The following FHIT variants were observed in gnomAD, a reference collection of about 807,000 sequenced individuals.
FHIT encodes the protein bis(5'-adenosyl)-triphosphatase.
A neutral mutation model predicts 17.9 loss-of-function variants in FHIT; 19 were observed. The observed-to-expected ratio is 1.06, with a 90% CI of 0.74 to 1.56. FHIT has a LOEUF of 1.56. Among genes scored for constraint, FHIT ranks in the 40% most tolerant of loss-of-function variants. FHIT has a pLI of 0.00. For synonymous variants in FHIT, 81 were observed against 69.7 expected, an observed-to-expected ratio of 1.16 and a Z score of -0.81; for missense variants, 248 against 189.2, an observed-to-expected ratio of 1.31 and a Z score of -1.82.
chr3:60,690,365 T>A (rs1428478323), intron 4 of FHIT: 4 of 574,590 alleles, frequency 7.0e-6, no homozygotes, highest in Non-Finnish European at 1.4e-5. Flanking sequence ...AACCACTTGG[T>A]CTTGGCAGGG....
At chr3:59,755,523 AC>A (rs1315719138) in intron 8 of FHIT, among the ~76,000 whole-genome samples, 4 of 152,180 alleles carry the variant, frequency 2.6e-5, no homozygotes, top group Admixed American at 6.5e-5. Context: ...CCGTGGGTGA[AC>A]TTTAATGGAG....
At chr3:60,563,289 T>C (rs578090169) in intron 4 of FHIT, among the ~76,000 whole-genome samples, 4 of 152,038 alleles carry the variant, frequency 2.6e-5, no homozygotes, top group Non-Finnish European at 4.4e-5. Context: ...GGGGCAGCAG[T>C]TAGGAAAGAG....
intron 8 of FHIT, among the ~76,000 whole-genome samples, chr3:59,884,876 T>C (rs1703552536): frequency 6.6e-6 from 1 of 152,234 alleles, no homozygotes; most frequent in African/African-American, 2.4e-5. Context: ...TATGTCTCAA[T>C]AATGTTAAAA....
chr3:61,244,314 A>G (rs966332233), intron 1 of FHIT, among the ~76,000 whole-genome samples: 1 of 152,338 alleles, frequency 6.6e-6, no homozygotes, highest in South Asian at 2.1e-4. Context: ...CAAACAAATT[A>G]AAATTACATA....
intron 7 of FHIT, among the ~76,000 whole-genome samples, chr3:60,011,080 C>T (rs1170504342): frequency 6.6e-6 from 1 of 152,214 alleles, no homozygotes; most frequent in African/African-American, 2.4e-5. Flanking sequence ...TAGACACTCT[C>T]TCACATGAAC....
At chr3:60,770,117 G>C (rs183611068) in intron 4 of FHIT, among the ~76,000 whole-genome samples, 2 of 152,152 alleles carry the variant, frequency 1.3e-5, no homozygotes, top group African/African-American at 2.4e-5. Context: ...TGCTACTGCC[G>C]TGTGCCATGG....
chr3:60,926,807 G>C (rs1293942019), intron 3 of FHIT, among the ~76,000 whole-genome samples: 6 of 152,090 alleles, frequency 3.9e-5, no homozygotes, highest in African/African-American at 1.4e-4. Flanking sequence ...TAGACTGCTA[G>C]CAAGACTAAT....
intron 5 of FHIT, among the ~76,000 whole-genome samples, chr3:60,297,728 C>G (rs1019530595): frequency 2.0e-5 from 3 of 152,078 alleles, no homozygotes; most frequent in Non-Finnish European, 2.9e-5. Context: ...TTTTCCTACT[C>G]TCACACACTA....
intron 5 of FHIT, among the ~76,000 whole-genome samples, chr3:60,118,649 A>C (rs1275949471): frequency 6.6e-6 from 1 of 151,996 alleles, no homozygotes; most frequent in East Asian, 1.9e-4. Context: ...ACGAATGCTA[A>C]TATTAGAAAG....
intron 2 of FHIT, among the ~76,000 whole-genome samples, chr3:61,197,306 A>T (rs1192705970): frequency 6.6e-6 from 1 of 152,218 alleles, no homozygotes; most frequent in Non-Finnish European, 1.5e-5. Flanking sequence ...GGAACCTCAG[A>T]TCTTAAAGAA....
At position 60,062,975 on chromosome 3, in the gene FHIT, G is replaced by A. The variant is rs201327004; in HGVS notation, c.104-48823C>T. Among the ~76,000 whole-genome samples, 218 of 152,236 alleles carry A rather than the reference G, an allele frequency of 1.4e-3. 1 individual carries two copies. Among genetic ancestry groups the A allele is most frequent in the African/African-American group, 5.1e-3 (210 of 41,556 alleles). On this transcript the variant is annotated intron_variant, in intron 5 of 9. Coordinates refer to ENST00000492590, the MANE Select transcript of FHIT (RefSeq NM_002012.4). ...GAGGAGGAGAAGAGTCAACTGAGGA[G>A]CAAGAAATGTTCCACAATGAGACCG...
At chr3:60,767,133 A>C (rs1208703207) in intron 4 of FHIT, among the ~76,000 whole-genome samples, 1 of 152,240 alleles carries the variant, frequency 6.6e-6, no homozygotes, top group East Asian at 1.9e-4. Context: ...CCATTAGCTT[A>C]AAAAACAGAC....
chr3:60,726,809 C>T (rs1238919108), intron 4 of FHIT, among the ~76,000 whole-genome samples: 1 of 152,004 alleles, frequency 6.6e-6, no homozygotes, highest in African/African-American at 2.4e-5. Context: ...GCTAATTGAC[C>T]TGCTTAAGAG....
intron 3 of FHIT, among the ~76,000 whole-genome samples, chr3:60,977,630 G>A (rs1252607724): frequency 1.3e-5 from 2 of 152,166 alleles, no homozygotes; most frequent in African/African-American, 2.4e-5. Context: ...CCAGCACTTT[G>A]GGAGGCTGAG....
intron 5 of FHIT, among the ~76,000 whole-genome samples, chr3:60,287,576 T>G (rs981739697): frequency 6.6e-6 from 1 of 152,236 alleles, no homozygotes; most frequent in Non-Finnish European, 1.5e-5. Context: ...ACATATTAAG[T>G]GCTTAATAAA....
In FHIT at chr3:60,214,427, G is replaced by C. The variant is rs115620678; in HGVS notation, c.104-200275C>G. Among the ~76,000 whole-genome samples the C allele has an allele frequency of 5.8e-3, 886 of 152,140 alleles. 4 individuals are homozygous for C. The highest frequency in any genetic ancestry group is 0.024 in the Middle Eastern group (7 of 294). ...ATAGTATTCTATGCTTGAGTTCTTA[G>C]ACTACACATAAATATTTAGGCCGTG... is the stretch of plus-strand genomic sequence containing the variant. On this transcript the variant is annotated intron_variant, in intron 5 of 9. Coordinates refer to ENST00000492590, the MANE Select transcript of FHIT (RefSeq NM_002012.4).
intron 3 of FHIT, among the ~76,000 whole-genome samples, chr3:60,834,881 G>GAAAAAAA (rs71092645): frequency 1.4e-4 from 13 of 94,478 alleles, no homozygotes; most frequent in Non-Finnish European, 2.2e-4. Flanking sequence ...GAAAAGAAAA[G>GAAAAAAA]AAAAAAAAAA....
At chr3:60,237,513 C>G (rs1030299005) in intron 5 of FHIT, among the ~76,000 whole-genome samples, 9 of 152,118 alleles carry the variant, frequency 5.9e-5, no homozygotes, top group African/African-American at 2.2e-4. Context: ...TGATGAGTGT[C>G]TTCACATAAA....
chr3:61,164,642 T>C (rs77252871), intron 2 of FHIT, among the ~76,000 whole-genome samples: 2 of 152,302 alleles, frequency 1.3e-5, no homozygotes, highest in South Asian at 2.1e-4. Context: ...TTTTTTTTTT[T>C]TGTTTCAACT....
Sources: gnomAD v4.1 joint callset for allele counts (sites outside exome capture counted in the v4.1 genomes callset) on GRCh38, gnomAD v4.1.1 for gene constraint, MANE v1.5 for transcripts, NCBI Gene and HGNC (gene_info 2026-07-23, HGNC 2026-07-21) for gene names.